COPS7A: variants seen among roughly 807,000 people sequenced by gnomAD.
COPS7A encodes COP9 signalosome subunit 7A.
Under a neutral mutation model 35.2 loss-of-function variants are expected in COPS7A, and 20 were observed. That is an observed-to-expected ratio of 0.57 (90% CI 0.40 to 0.83). The LOEUF (loss-of-function observed/expected upper bound fraction) is 0.83, where lower values mean the gene tolerates loss of function less well. Among genes scored for constraint, COPS7A ranks in the 40% least tolerant of loss-of-function variants. The pLI, the probability that COPS7A is intolerant of heterozygous loss-of-function variation, is 0.00. For missense variants in COPS7A, 247 were observed against 347.5 expected, an observed-to-expected ratio of 0.71 and a Z score of 2.30; for synonymous variants, 139 against 141.4, an observed-to-expected ratio of 0.98 and a Z score of 0.12.
intron 2 of COPS7A, chr12:6,725,532 G>T (rs1941231631): frequency 2.3e-6 from 1 of 441,184 alleles, no homozygotes; most frequent in East Asian, 7.1e-5. Context: ...GGGAAAGTGT[G>T]AAGTCTGGTA....
In COPS7A at chr12:6,729,350, C is replaced by T. The variant is rs769841560; in HGVS notation, c.431C>T (p.Ser144Phe). The change falls in exon 5 of 8, where the codon TCC becomes TTC. Residue 144 changes from serine (S) to phenylalanine (F), a missense_variant. Transcript: ENST00000543155. The surrounding 1 kb of genome is among the most constrained non-coding windows in gnomAD (Gnocchi z 4.2). ...EAVYADVLRGSLDQRNQRLEV... is the reference protein window; with the variant it reads ...EAVYADVLRGFLDQRNQRLEV... ...GTGTATGCTGACGTGCTTCGTGGCT[C>T]CCTGGACCAGCGCAACCAGCGGCTC... 2 of 1,614,172 alleles carry T rather than the reference C, an allele frequency of 1.2e-6. No individual in the cohort carries two copies. The highest frequency in any genetic ancestry group is 1.1e-5 in the South Asian group (1 of 91,084).
intron 3 of COPS7A, 63 bp downstream of exon 3, chr12:6,728,064 C>A: frequency 6.4e-7 from 1 of 1,556,598 alleles, no homozygotes; most frequent in Non-Finnish European, 8.9e-7. Flanking sequence ...TCTGGAGGGA[C>A]TCAGAAGAAA....
intron 2 of COPS7A, among the ~76,000 whole-genome samples, chr12:6,727,375 C>T (rs184044440): frequency 1.7e-4 from 26 of 149,506 alleles, no homozygotes; most frequent in Admixed American, 1.5e-3. Flanking sequence ...ATGAGTGATC[C>T]ATGATAGGAG....
At chr12:6,726,805 C>T (rs1941268898) in intron 2 of COPS7A, among the ~76,000 whole-genome samples, 2 of 151,962 alleles carry the variant, frequency 1.3e-5, no homozygotes, top group Non-Finnish European at 2.9e-5. Flanking sequence ...TCTTTACTAC[C>T]CTTCTTATGG....
At chr12:6,725,181 G>T (rs1397139942) in intron 2 of COPS7A, among the ~76,000 whole-genome samples, 2 of 149,164 alleles carry the variant, frequency 1.3e-5, no homozygotes, top group African/African-American at 2.5e-5. Flanking sequence ...TTTTGAGACG[G>T]AGTCTTGCTC....
intron 2 of COPS7A, chr12:6,725,632 C>T (rs1481917063): frequency 6.6e-6 from 3 of 456,054 alleles, no homozygotes; most frequent in African/African-American, 2.0e-5. Context: ...TAAGGGAGAA[C>T]GTGTCTTTTT....
chr12:6,730,359 G>T (rs367581385), intron 5 of COPS7A, 43 bp from the exon 6 acceptor site: 7 of 1,579,486 alleles, frequency 4.4e-6, no homozygotes, highest in African/African-American at 1.3e-5. Context: ...GTCTGTGATC[G>T]CAGCCCTTGT....
rs779249197 is a variant in COPS7A at position 6,724,750 on chromosome 12, C to T, written c.94C>T (p.His32Tyr). Reference sequence around the variant, plus strand: ...GGGGGCAGCGCTGGCCACACTCATCCATCAGGTGCTGGAGGCCCCTGGTGT... The same window carrying T: ...GGGGGCAGCGCTGGCCACACTCATCTATCAGGTGCTGGAGGCCCCTGGTGT... ...AKGAALATLI[H>Y]QVLEAPGVYV... Residue 32 changes from histidine to tyrosine, a missense_variant, in exon 2 of 8, where the codon CAT becomes TAT. His to Tyr is a moderately conservative substitution (Grantham distance 83). Transcript: ENST00000543155. 6 of 1,614,046 alleles carry T rather than the reference C, an allele frequency of 3.7e-6. No individual in the cohort carries two copies. Among genetic ancestry groups the T allele is most frequent in the Non-Finnish European group, 4.2e-6 (5 of 1,180,022 alleles).
rs565116686 is a variant in COPS7A at position 6,730,654 on chromosome 12, C to T, written c.637-15C>T. On this transcript the variant is annotated splice_polypyrimidine_tract_variant and intron_variant, in intron 6 of 7. Transcript: ENST00000543155. Reference sequence around the variant, plus strand: ...GGAACCTTCCTTGCTATCCCCATTCCTTTCATCCTGGTAGGTTGCCAACCT... The same window carrying T: ...GGAACCTTCCTTGCTATCCCCATTCTTTTCATCCTGGTAGGTTGCCAACCT... 1.9e-5 allele frequency: 30 copies of T among 1,614,042 alleles called. No individual in the cohort carries two copies. In the Admixed American group the frequency reaches 2.5e-4, roughly 13 times the overall value.
chr12:6,728,966 A>G, intron 4 of COPS7A: 1 of 450,060 alleles, frequency 2.2e-6, no homozygotes, highest in South Asian at 2.1e-5. Context: ...AAGGAGTGAC[A>G]CCCAGGCAGA....
chr12:6,728,032 T>C (rs769869477), intron 3 of COPS7A, 31 bp downstream of exon 3: 6 of 1,608,832 alleles, frequency 3.7e-6, no homozygotes, highest in Non-Finnish European at 5.1e-6. Context: ...TCTGGAGTAA[T>C]GGAGATGGGA....
chr12:6,729,282 C>T lies in COPS7A; in HGVS notation c.363C>T (p.Ala121=), dbSNP rs752360753. The T allele has an allele frequency of 1.2e-6, 2 of 1,614,054 alleles. No homozygotes were observed. The highest frequency in any genetic ancestry group is 2.7e-5 in the African/African-American group (2 of 74,998). ...ATGCAGTGTTGCTGGAGGCTCTTGC[C>T]CTGCGTAATGTGCGGCAGCTGGAAG... The part of the protein sequence containing the change: ...IPYAVLLEAL[A]LRNVRQLEDL... The change falls in exon 5 of 8, where the codon GCC becomes GCT. Residue 121 remains alanine (A), a synonymous_variant. Coordinates refer to ENST00000543155, the MANE Select transcript of COPS7A (RefSeq NM_001164094.2). The surrounding 1 kb of genome is among the most constrained non-coding windows in gnomAD (Gnocchi z 4.2).
Position 6,729,142 on chromosome 12 carries a change from T to A in COPS7A, c.328-105T>A. 9.3e-7 allele frequency: 1 copy of A among 1,075,390 alleles called. No individual in the cohort carries two copies. The highest frequency in any genetic ancestry group is 1.3e-5 in the South Asian group (1 of 75,202). The allele number at this position is 1,075,390 out of a possible 1,614,324, so 66.6% of individuals were successfully genotyped here. On this transcript the variant is annotated intron_variant, in intron 4 of 7. Coordinates refer to ENST00000543155, the MANE Select transcript of COPS7A (RefSeq NM_001164094.2). The surrounding 1 kb of genome is among the most constrained non-coding windows in gnomAD (Gnocchi z 4.2). ...AGAGGAAGTGATTTAGGAATGGGAG[T>A]GGAGGGCAGGTGGGCTAGGGCAGGG... is the stretch of plus-strand genomic sequence containing the variant.
rs754509861 is a variant in COPS7A, at chr12:6,731,149, A to G, written c.*110A>G. The G allele has an allele frequency of 5.1e-5, 82 of 1,602,540 alleles. 1 individual carries two copies. The African/African-American group carries it at 9.2e-4, about 18-fold the overall frequency. ...CTGGCCAGCTGATAATCCTAGGTTCATGACCCTTCACCTCCCCTAACCCCA... is the reference window on the plus strand; with the variant it reads ...CTGGCCAGCTGATAATCCTAGGTTCGTGACCCTTCACCTCCCCTAACCCCA... On this transcript the variant is annotated 3_prime_UTR_variant, in exon 8 of 8. Coordinates refer to ENST00000543155, the MANE Select transcript of COPS7A (RefSeq NM_001164094.2).
At chr12:6,727,646 T>G in intron 2 of COPS7A, 1 of 573,696 alleles carries the variant, frequency 1.7e-6, no homozygotes. Context: ...CTCTGAAAAC[T>G]GAATGTCTTC....
intron 2 of COPS7A, among the ~76,000 whole-genome samples, chr12:6,726,712 G>A (rs921048450): frequency 6.6e-6 from 1 of 150,778 alleles, no homozygotes; most frequent in African/African-American, 2.4e-5. Context: ...AGTGAGCCGA[G>A]GTCGCGCCAC....
intron 3 of COPS7A, 39 bp downstream of exon 3, chr12:6,728,040 G>A: frequency 6.3e-7 from 1 of 1,597,284 alleles, no homozygotes; most frequent in Non-Finnish European, 8.6e-7. Flanking sequence ...AATGGAGATG[G>A]GAGAAGGGCA....
chr12:6,727,643 A>G, intron 2 of COPS7A: 1 of 567,292 alleles, frequency 1.8e-6, no homozygotes, highest in South Asian at 1.5e-5. Context: ...TGACTCTGAA[A>G]ACTGAATGTC....
In COPS7A at chr12:6,731,393, C is replaced by A; in HGVS notation, c.*354C>A. ...CTCTGTCTGGAGCATAACCCACAGGCGTTTTTTCTGCCACCCCATCCCTGC... is the reference window on the plus strand; with the variant it reads ...CTCTGTCTGGAGCATAACCCACAGGAGTTTTTTCTGCCACCCCATCCCTGC... On this transcript the variant is annotated 3_prime_UTR_variant, in exon 8 of 8. Coordinates refer to ENST00000543155, the MANE Select transcript of COPS7A (RefSeq NM_001164094.2). 1 of 1,218,546 alleles carries A rather than the reference C, an allele frequency of 8.2e-7. No individual in the cohort carries two copies. The highest frequency in any genetic ancestry group is 1.1e-6 in the Non-Finnish European group (1 of 945,340). The allele number at this position is 1,218,546 out of a possible 1,614,324, so 75.5% of individuals were successfully genotyped here.
Sources: gnomAD v4.1 joint callset for allele counts (sites outside exome capture counted in the v4.1 genomes callset) on GRCh38, gnomAD v4.1.1 for gene constraint, Gnocchi (gnomAD v3.1) non-coding constraint, MANE v1.5 for transcripts, NCBI Gene and HGNC (gene_info 2026-07-23, HGNC 2026-07-21) for gene names.